Variants in DSCAML1 observed in about 807,000 individuals in gnomAD.
DSCAML1 encodes the protein cell adhesion molecule DSCAML1.
In DSCAML1, 38 loss-of-function variants were observed where a neutral mutation model predicts 200.5. The observed-to-expected ratio is 0.19, with a 90% CI of 0.15 to 0.25. The LOEUF (loss-of-function observed/expected upper bound fraction) is 0.25. Ranked by LOEUF, DSCAML1 falls within the 10% of genes least tolerant of loss-of-function variation. The pLI is 1.00. For missense variants in DSCAML1, 2,223 were observed against 2,858.8 expected, an observed-to-expected ratio of 0.78 and a Z score of 5.07; for synonymous variants, 1,215 against 1,165.0, an observed-to-expected ratio of 1.04 and a Z score of -0.87.
intron 3 of DSCAML1, among the ~76,000 whole-genome samples, chr11:117,774,924 T>C (rs1157027461): frequency 1.3e-5 from 2 of 152,194 alleles, no homozygotes; most frequent in African/African-American, 4.8e-5. Context: ...AGATCCTGTA[T>C]GGAAGTTTCT....
intron 11 of DSCAML1, among the ~76,000 whole-genome samples, chr11:117,502,556 G>A (rs1244262430): frequency 1.3e-5 from 2 of 152,164 alleles, no homozygotes; most frequent in Admixed American, 6.5e-5. Flanking sequence ...AGCATCGATC[G>A]CTGGGGCTTC....
intron 3 of DSCAML1, among the ~76,000 whole-genome samples, chr11:117,569,047 G>A (rs1446415423): frequency 6.6e-6 from 1 of 152,096 alleles, no homozygotes; most frequent in Non-Finnish European, 1.5e-5. Context: ...ACAGAACAGA[G>A]CCCTCAGAAA....
intron 3 of DSCAML1, among the ~76,000 whole-genome samples, chr11:117,705,717 C>G (rs2053748229): frequency 6.6e-6 from 1 of 152,278 alleles, no homozygotes; most frequent in Admixed American, 6.5e-5. Flanking sequence ...TTACTGCCAC[C>G]CACCTCCCAG....
intron 3 of DSCAML1, among the ~76,000 whole-genome samples, chr11:117,711,406 T>C (rs551718837): frequency 7.2e-4 from 109 of 152,316 alleles, no homozygotes; most frequent in South Asian, 3.9e-3. Flanking sequence ...GGGAGCCAGC[T>C]GCGTGGCTTG....
At chr11:117,563,710 C>A (rs1158705418) in intron 3 of DSCAML1, among the ~76,000 whole-genome samples, 1 of 152,038 alleles carries the variant, frequency 6.6e-6, no homozygotes. Flanking sequence ...TATAATGGAC[C>A]TCAAAGCGGA....
chr11:117,766,001 A>C (rs992941388), intron 3 of DSCAML1, among the ~76,000 whole-genome samples: 6 of 152,190 alleles, frequency 3.9e-5, no homozygotes, highest in African/African-American at 1.4e-4. Flanking sequence ...CTGCCCCTTC[A>C]TTCTCATCCA....
chr11:117,586,270 A>G (rs531213058), intron 3 of DSCAML1, among the ~76,000 whole-genome samples: 39 of 146,328 alleles, frequency 2.7e-4, no homozygotes, highest in African/African-American at 9.4e-4. Context: ...GCCGTGAGCA[A>G]TAGAACATGG....
chr11:117,790,348 CCCACTA>C (rs2055437904), intron 1 of DSCAML1, among the ~76,000 whole-genome samples: 1 of 152,236 alleles, frequency 6.6e-6, no homozygotes, highest in Non-Finnish European at 1.5e-5. Flanking sequence ...TCCTCCCACT[CCCACTA>C]CCACTGGGGC....
intron 20 of DSCAML1, among the ~76,000 whole-genome samples, chr11:117,449,792 A>C (rs1392789557): frequency 1.3e-5 from 2 of 152,142 alleles, no homozygotes; most frequent in Non-Finnish European, 2.9e-5. Flanking sequence ...TATAGTAGTC[A>C]CTCAGCAGGA....
chr11:117,528,271 C>T (rs747149213), intron 4 of DSCAML1, among the ~76,000 whole-genome samples: 1 of 151,402 alleles, frequency 6.6e-6, no homozygotes, highest in Non-Finnish European at 1.5e-5. Context: ...TTCCGTGGCA[C>T]ACTGCAGAAT....
chr11:117,796,544 C>T (rs926269384), intron 1 of DSCAML1, among the ~76,000 whole-genome samples: 7 of 152,252 alleles, frequency 4.6e-5, no homozygotes, highest in African/African-American at 1.7e-4. Flanking sequence ...CGCCAACATT[C>T]GCGCCAGGGC....
intron 3 of DSCAML1, among the ~76,000 whole-genome samples, chr11:117,545,592 A>G (rs149978521): frequency 1.8e-4 from 28 of 152,298 alleles, no homozygotes; most frequent in African/African-American, 6.3e-4. Flanking sequence ...AGGGGAGCCA[A>G]TTCTGAAGGT....
chr11:117,518,713 G>C lies in DSCAML1; in HGVS notation c.1263C>G (p.Pro421=), dbSNP rs145582678. ...VSSFSEKVVN[P]GEQFSLMCAA... The stretch of plus-strand genomic sequence containing the variant: ...CACACATCAGTGAGAACTGCTCCCC[G>C]GGGTTGACCACCTTCTCGCTGAAGG... Residue 421 remains proline, a synonymous_variant, in exon 7 of 33, where the codon CCC becomes CCG. Transcript: ENST00000651296. The surrounding 1 kb of genome is among the most constrained non-coding windows in gnomAD (Gnocchi z 6.3). The C allele has an allele frequency of 1.2e-6, 2 of 1,612,994 alleles. No individual in the cohort carries two copies. Among genetic ancestry groups the C allele is most frequent in the Non-Finnish European group, 1.7e-6 (2 of 1,180,010 alleles).
chr11:117,680,355 G>A (rs1308645884), intron 3 of DSCAML1, among the ~76,000 whole-genome samples: 1 of 152,200 alleles, frequency 6.6e-6, no homozygotes, highest in East Asian at 1.9e-4. Flanking sequence ...AGCCCCTGTA[G>A]CCCTGAGGGA....
chr11:117,767,355 T>A (rs576161661), intron 3 of DSCAML1, among the ~76,000 whole-genome samples: 2 of 152,260 alleles, frequency 1.3e-5, no homozygotes, highest in Admixed American at 1.3e-4. Context: ...AATAAAATGA[T>A]GGAGAAAAGC....
At position 117,780,668 on chromosome 11, in the gene DSCAML1, T is replaced by C. The variant is rs774387413; in HGVS notation, c.189A>G (p.Thr63=). ...GCGGCACGTCGTAGATGTCGTCCCC[T>C]GTGGCCAGGTACCATCGAAGGGCCG... ...PSAALRWYLA[T]GDDIYDVPHI... Residue 63 remains threonine, a synonymous_variant, in exon 2 of 33, where the codon ACA becomes ACG. Transcript: ENST00000651296. The surrounding 1 kb of genome is among the most constrained non-coding windows in gnomAD (Gnocchi z 4.8). 2.5e-6 allele frequency: 4 copies of C among 1,593,180 alleles called. No individual in the cohort carries two copies. Among genetic ancestry groups the C allele is most frequent in the East Asian group, 4.6e-5 (2 of 43,542 alleles).
chr11:117,438,837 C>G (rs1482872272), intron 24 of DSCAML1, 48 bp downstream of exon 24: 1 of 1,453,442 alleles, frequency 6.9e-7, no homozygotes, highest in Non-Finnish European at 9.1e-7. Context: ...CTGCCCCGGG[C>G]CCAGAATTCC....
At chr11:117,791,514 C>T (rs1036719849) in intron 1 of DSCAML1, among the ~76,000 whole-genome samples, 8 of 152,374 alleles carry the variant, frequency 5.3e-5, no homozygotes, top group Middle Eastern at 3.4e-3. Flanking sequence ...TGAGACCAAC[C>T]TTTGCCTCAC....
chr11:117,550,225 A>G (rs1050333564), intron 3 of DSCAML1, among the ~76,000 whole-genome samples: 1 of 152,258 alleles, frequency 6.6e-6, no homozygotes, highest in African/African-American at 2.4e-5. Context: ...TAGATACTTT[A>G]CATGCATTGC....
Sources: gnomAD v4.1 joint callset for allele counts (sites outside exome capture counted in the v4.1 genomes callset) on GRCh38, gnomAD v4.1.1 for gene constraint, Gnocchi (gnomAD v3.1) non-coding constraint, MANE v1.5 for transcripts, NCBI Gene and HGNC (gene_info 2026-07-23, HGNC 2026-07-21) for gene names.